The following TGM2 variants were observed in gnomAD, a reference collection of about 807,000 sequenced individuals.
TGM2 encodes transglutaminase 2, also known as protein-glutamine gamma-glutamyltransferase 2.
TGM2 carries 53 observed loss-of-function variants against 75.6 expected under a neutral mutation model. That is an observed-to-expected ratio of 0.70 (90% CI 0.56 to 0.88). TGM2 has a LOEUF of 0.88. Ranked by LOEUF, TGM2 falls within the 40% of genes least tolerant of loss-of-function variation. The pLI is 0.00. For missense variants in TGM2, 842 were observed against 928.5 expected, an observed-to-expected ratio of 0.91 and a Z score of 1.21; for synonymous variants, 374 against 381.1, an observed-to-expected ratio of 0.98 and a Z score of 0.22.
At chr20:38,145,843 C>T (rs751015324) in intron 6 of TGM2, 9 of 143,568 alleles carry the variant, frequency 6.3e-5, no homozygotes, top group South Asian at 2.2e-4. Flanking sequence ...AATCATAGCT[C>T]ATTGCAGCCA....
chr20:38,152,640 A>G (rs538106314), intron 3 of TGM2, among the ~76,000 whole-genome samples: 15 of 152,210 alleles, frequency 9.9e-5, no homozygotes, highest in African/African-American at 3.6e-4. Flanking sequence ...GCACTCGATC[A>G]TATTGGTCTT....
rs1402957970 is a variant in TGM2, at chr20:38,132,522, G to A, written c.1616-22C>T. ...TTCTCTGCAGAAGGGGAGAAAGGAG[G>A]GTGCTCATGATGCAGAATCACCCCT... On this transcript the variant is annotated intron_variant, in intron 10 of 12. Transcript: ENST00000361475. 3 of 1,613,780 alleles carry A rather than the reference G, an allele frequency of 1.9e-6. No individual in the cohort carries two copies. The Admixed American group carries it at 5.0e-5, about 27-fold the overall frequency.
At position 38,146,825 on chromosome 20, in the gene TGM2, G is replaced by C; in HGVS notation, c.751C>G (p.Pro251Ala). 6.2e-7 allele frequency: 1 copy of C among 1,614,134 alleles called. No homozygotes were observed. Among genetic ancestry groups the C allele is most frequent in the Non-Finnish European group, 8.5e-7 (1 of 1,180,038 alleles). Residue 251 changes from proline to alanine, a missense_variant, in exon 6 of 13, where the codon CCC becomes GCC. Pro to Ala is a conservative substitution (Grantham distance 27, BLOSUM62 -1). Transcript: ENST00000361475. ...TCCACGCTGCCGATCCAGGACATGG[G>C]GCTGACGCCGTCCCCGTAGTTGTTG... ...WDNNYGDGVS[P>A]MSWIGSVDIL...
At chr20:38,151,945 T>G (rs1024038239) in intron 3 of TGM2, among the ~76,000 whole-genome samples, 1 of 152,136 alleles carries the variant, frequency 6.6e-6, no homozygotes, top group Non-Finnish European at 1.5e-5. Flanking sequence ...TGACTCCACT[T>G]AACCGGTGAA....
At chr20:38,143,437 T>C (rs1239161719) in intron 6 of TGM2, among the ~76,000 whole-genome samples, 1 of 152,200 alleles carries the variant, frequency 6.6e-6, no homozygotes, top group Admixed American at 6.5e-5. Flanking sequence ...GTCCTCAGAC[T>C]TGTCCGGAGG....
upstream of TGM2, chr20:38,165,478 C>T: frequency 1.8e-6 from 1 of 556,276 alleles, no homozygotes. Context: ...CAGGGACACA[C>T]AACTAGCCCA....
intron 10 of TGM2, among the ~76,000 whole-genome samples, chr20:38,135,493 G>C (rs982266911): frequency 5.9e-5 from 9 of 152,034 alleles, no homozygotes; most frequent in African/African-American, 2.2e-4. Flanking sequence ...CTTCCCCTTT[G>C]TGTGAATGGG....
chr20:38,143,210 T>G (rs1299353727), intron 6 of TGM2, among the ~76,000 whole-genome samples: 2 of 152,058 alleles, frequency 1.3e-5, no homozygotes, highest in Admixed American at 1.3e-4. Flanking sequence ...AGATAGGGAC[T>G]TAAAGACTCA....
rs762006838 is a variant in TGM2 at position 38,161,527 on chromosome 20, C to T, written c.83G>A (p.Arg28Gln). The change falls in exon 2 of 13, where the codon CGG (arginine) becomes CAG (glutamine). Residue 28 changes from arginine (R) to glutamine (Q), a missense_variant. Physicochemically the swap from Arg to Gln is conservative, Grantham distance 43. Coordinates refer to ENST00000361475, the MANE Select transcript of TGM2 (RefSeq NM_004613.4). Reference protein sequence around the residue: ...GRDHHTADLCREKLVVRRGQP... With the variant: ...GRDHHTADLCQEKLVVRRGQP... ...GCCCCGTCGCACCACCAGCTTCTCC[C>T]GGCACAGGTCGGCCGTGTGGTGGTC... 2.1e-5 allele frequency: 34 copies of T among 1,614,060 alleles called. No individual in the cohort carries two copies. The highest frequency in any genetic ancestry group is 3.3e-5 in the Admixed American group (2 of 60,008).
intron 8 of TGM2, 150 bp from the exon 9 acceptor site, chr20:38,139,804 A>G (rs1568686745): frequency 1.9e-6 from 2 of 1,039,120 alleles, no homozygotes; most frequent in East Asian, 2.6e-5. Flanking sequence ...AGGGCACCAC[A>G]GGGCAAGGGT....
chr20:38,162,937 G>A (rs2075270776), intron 1 of TGM2, among the ~76,000 whole-genome samples: 1 of 152,178 alleles, frequency 6.6e-6, no homozygotes, highest in Non-Finnish European at 1.5e-5. Context: ...GACTTCCAGA[G>A]GTAGGTTTTA....
chr20:38,132,221 A>T, intron 11 of TGM2, 119 bp downstream of exon 11: 1 of 1,163,830 alleles, frequency 8.6e-7, no homozygotes, highest in Non-Finnish European at 1.3e-6. Flanking sequence ...GAGGATCGCT[A>T]AGGCACCAAA....
chr20:38,159,314 A>G (rs1379442186), intron 2 of TGM2, among the ~76,000 whole-genome samples: 8 of 152,176 alleles, frequency 5.3e-5, no homozygotes, highest in African/African-American at 9.7e-5. Context: ...TGACGAGAAC[A>G]TATGGACGCA....
intron 2 of TGM2, among the ~76,000 whole-genome samples, chr20:38,157,768 T>A (rs775954767): frequency 1.3e-5 from 2 of 152,206 alleles, no homozygotes; most frequent in Non-Finnish European, 2.9e-5. Context: ...CCTGGCTCTG[T>A]TTAGAGGGTT....
In TGM2 at chr20:38,141,343, G is replaced by A. The variant is rs796861892; in HGVS notation, c.1038C>T (p.Asp346=). Reference sequence around the variant, plus strand: ...GCCAGCCCTCGTACCCCGGCTGCAGGTCCGGCCTGGTCATCCACGACTCCA... The same window carrying A: ...GCCAGCCCTCGTACCCCGGCTGCAGATCCGGCCTGGTCATCCACGACTCCA... The part of the protein sequence containing the change: ...CWVESWMTRP[D]LQPGYEGWQA... Residue 346 remains aspartate, a synonymous_variant, in exon 8 of 13, where the codon GAC becomes GAT. Coordinates refer to ENST00000361475, the MANE Select transcript of TGM2 (RefSeq NM_004613.4). 6.3e-7 allele frequency: 1 copy of A among 1,590,692 alleles called. No individual in the cohort carries two copies. Among genetic ancestry groups the A allele is most frequent in the Admixed American group, 1.8e-5 (1 of 56,628 alleles).
chr20:38,159,974 C>A (rs1034205477), intron 2 of TGM2, among the ~76,000 whole-genome samples: 1 of 152,204 alleles, frequency 6.6e-6, no homozygotes, highest in Non-Finnish European at 1.5e-5. Flanking sequence ...GAAACTGAGA[C>A]TGGAGGGTCA....
intron 6 of TGM2, among the ~76,000 whole-genome samples, chr20:38,143,443 G>A (rs946044787): frequency 6.6e-6 from 1 of 152,194 alleles, no homozygotes; most frequent in Admixed American, 6.5e-5. Flanking sequence ...AGACTTGTCC[G>A]GAGGGAGGGC....
chr20:38,132,903 G>A (rs936287240), intron 10 of TGM2: 9 of 455,648 alleles, frequency 2.0e-5, no homozygotes, highest in Admixed American at 4.7e-5. Flanking sequence ...GGGTGTGTGA[G>A]CCGCGGGCCC....
At chr20:38,155,790 A>G in intron 3 of TGM2, 57 bp downstream of exon 3, 1 of 1,555,176 alleles carries the variant, frequency 6.4e-7, no homozygotes. Context: ...AGCCTCCTCC[A>G]TGGGCGGATC....
Sources: gnomAD v4.1 joint callset for allele counts (sites outside exome capture counted in the v4.1 genomes callset) on GRCh38, gnomAD v4.1.1 for gene constraint, MANE v1.5 for transcripts, NCBI Gene and HGNC (gene_info 2026-07-23, HGNC 2026-07-21) for gene names.